Variants in IL1RAPL1 observed in about 807,000 individuals in gnomAD.
The protein encoded by IL1RAPL1 is interleukin 1 receptor accessory protein like 1.
A neutral mutation model predicts 48.4 loss-of-function variants in IL1RAPL1; 3 were observed. The observed-to-expected ratio is 0.06, with a 90% confidence interval of 0.03 to 0.16. The LOEUF is 0.16. Among genes scored for constraint, IL1RAPL1 ranks in the 10% least tolerant of loss-of-function variants. IL1RAPL1 has a pLI of 1.00. For synonymous variants in IL1RAPL1, 185 were observed against 187.7 expected (o/e 0.99, Z 0.12); for missense variants, 349 against 530.6 (o/e 0.66, Z 3.36).
chrX:28,594,789 A>G (rs934434463), intron 1 of IL1RAPL1, among the ~76,000 whole-genome samples: 2 of 111,902 alleles, frequency 1.8e-5, no homozygotes, highest in African/African-American at 6.5e-5. Context: ...TGTGGACTTT[A>G]TTTTTCCTTT....
intron 3 of IL1RAPL1, among the ~76,000 whole-genome samples, chrX:29,350,254 C>T (rs1933210142): frequency 1.4e-5 from 1 of 69,209 alleles, no homozygotes; most frequent in Non-Finnish European, 2.5e-5. Flanking sequence ...TTGGATACAC[C>T]CCCCCCCCCA....
chrX:29,810,773 G>T (rs1215862339), intron 6 of IL1RAPL1, among the ~76,000 whole-genome samples: 4 of 111,292 alleles, frequency 3.6e-5, no homozygotes, highest in Admixed American at 9.6e-5. Context: ...TTTCTAATCA[G>T]CTGTTAAAAT....
chrX:29,670,058 G>T (rs1926102403), intron 6 of IL1RAPL1, among the ~76,000 whole-genome samples: 1 of 111,486 alleles, frequency 9.0e-6, no homozygotes, highest in South Asian at 3.7e-4. Context: ...TAGTAAAAAT[G>T]AAATTAATTG....
chrX:29,838,135 T>A (rs2147192019), intron 6 of IL1RAPL1, among the ~76,000 whole-genome samples: 1 of 111,946 alleles, frequency 8.9e-6, no homozygotes, highest in Admixed American at 9.5e-5. Flanking sequence ...ATATACACAG[T>A]GATTTACACT....
chrX:28,922,017 G>T (rs1319184897), intron 2 of IL1RAPL1, among the ~76,000 whole-genome samples: 3 of 111,492 alleles, frequency 2.7e-5, no homozygotes, highest in Non-Finnish European at 5.6e-5. Context: ...TAATATAATG[G>T]TCAATGACTA....
chrX:29,904,373 ATTT>A (rs1371503957), intron 6 of IL1RAPL1, among the ~76,000 whole-genome samples: 1 of 104,825 alleles, frequency 9.5e-6, no homozygotes, highest in Non-Finnish European at 2.0e-5. Context: ...TTTAATTTTA[ATTT>A]TTTAAGTTCT....
chrX:28,792,816 A>AATATATATATATATATATAT (rs1555924328), intron 2 of IL1RAPL1, among the ~76,000 whole-genome samples: 1 of 10,106 alleles, frequency 9.9e-5, no homozygotes, highest in African/African-American at 3.4e-4. Context: ...AAAAAAAAAA[A>AATATATATATATATATATAT]ATATATATAT....
intron 6 of IL1RAPL1, among the ~76,000 whole-genome samples, chrX:29,726,777 T>C (rs1463685416): frequency 1.8e-5 from 2 of 111,625 alleles, no homozygotes; most frequent in African/African-American, 6.5e-5. Flanking sequence ...GTTTAGGAGT[T>C]CAAGACCACC....
At chrX:29,446,658 A>G (rs1434080281) in intron 5 of IL1RAPL1, among the ~76,000 whole-genome samples, 1 of 111,911 alleles carries the variant, frequency 8.9e-6, no homozygotes, top group Non-Finnish European at 1.9e-5. Flanking sequence ...TTTAGGACTA[A>G]CAAAGCACCT....
chrX:29,071,425 C>T (rs1927562864), intron 2 of IL1RAPL1, among the ~76,000 whole-genome samples: 1 of 112,059 alleles, frequency 8.9e-6, no homozygotes, highest in Non-Finnish European at 1.9e-5. Context: ...AAAGAATGTA[C>T]TTACAGTGCT....
chrX:29,431,132 C>G (rs949669749), intron 5 of IL1RAPL1, among the ~76,000 whole-genome samples: 1 of 111,456 alleles, frequency 9.0e-6, no homozygotes, highest in Non-Finnish European at 1.9e-5. Flanking sequence ...ACATAGGCAG[C>G]AGAGCCTACC....
intron 1 of IL1RAPL1, among the ~76,000 whole-genome samples, chrX:28,774,137 A>G (rs746897558): frequency 9.0e-6 from 1 of 111,569 alleles, no homozygotes; most frequent in Non-Finnish European, 1.9e-5. Flanking sequence ...CAAGACCTCA[A>G]TCCTGAGCCC....
chrX:29,488,127 G>T, intron 5 of IL1RAPL1, among the ~76,000 whole-genome samples: 1 of 112,167 alleles, frequency 8.9e-6, no homozygotes, highest in Middle Eastern at 4.7e-3. Context: ...AGGCCTTACT[G>T]ATACATGCAC....
intron 5 of IL1RAPL1, among the ~76,000 whole-genome samples, chrX:29,610,175 T>C (rs1012666009): frequency 6.3e-5 from 7 of 111,911 alleles, no homozygotes; most frequent in African/African-American, 2.3e-4. Flanking sequence ...TCTTTCTTTA[T>C]ATTAAATCAT....
At chrX:29,170,431 A>G (rs772133497) in intron 2 of IL1RAPL1, among the ~76,000 whole-genome samples, 2 of 111,858 alleles carry the variant, frequency 1.8e-5, no homozygotes, top group Non-Finnish European at 3.8e-5. Context: ...GACAAAAACT[A>G]TATATGAAGA....
chrX:28,762,819 CACACAG>C (rs776889910), intron 1 of IL1RAPL1, among the ~76,000 whole-genome samples: 82 of 39,252 alleles, frequency 2.1e-3, no homozygotes, highest in African/African-American at 6.0e-3. Context: ...CACACACACA[CACACAG>C]AGAGAGAGAG....
At chrX:29,261,758 T>C (rs1931865225) in intron 2 of IL1RAPL1, among the ~76,000 whole-genome samples, 1 of 111,231 alleles carries the variant, frequency 9.0e-6, no homozygotes, top group Non-Finnish European at 1.9e-5. Context: ...TTGCCATGTC[T>C]GGTTTCTTTT....
intron 6 of IL1RAPL1, among the ~76,000 whole-genome samples, chrX:29,705,213 T>C (rs1407657666): frequency 8.9e-6 from 1 of 112,053 alleles, no homozygotes; most frequent in Non-Finnish European, 1.9e-5. Context: ...CTATTACTTC[T>C]TTTTTTGTTT....
At chrX:28,736,295 G>A (rs767938888) in intron 1 of IL1RAPL1, among the ~76,000 whole-genome samples, 21 of 110,184 alleles carry the variant, frequency 1.9e-4, no homozygotes, top group African/African-American at 5.9e-4. Context: ...TAAGCCAGGC[G>A]TGGTGGCGGG....
Sources: allele counts gnomAD v4.1 joint callset (sites outside exome capture counted in the v4.1 genomes callset), GRCh38; gene constraint gnomAD v4.1.1; transcripts MANE v1.5; gene names NCBI Gene and HGNC (gene_info 2026-07-23, HGNC 2026-07-21).